LRMDA: variants seen among roughly 807,000 people sequenced by gnomAD.
The protein encoded by LRMDA is leucine rich melanocyte differentiation associated, also known as leucine-rich melanocyte differentiation-associated protein.
LRMDA carries 18 observed loss-of-function variants against 29.8 expected under a neutral mutation model. That is an observed-to-expected ratio of 0.60 (90% CI 0.42 to 0.90). LRMDA has a LOEUF of 0.90. Ranked by LOEUF, LRMDA falls within the 40% of genes least tolerant of loss-of-function variation. The probability of loss-of-function intolerance (pLI) is 0.00; values close to 1 mark genes in which losing one functional copy is unlikely to be tolerated. For missense variants in LRMDA, 273 were observed against 273.9 expected, an observed-to-expected ratio of 1.00 and a Z score of 0.02; for synonymous variants, 125 against 109.4, an observed-to-expected ratio of 1.14 and a Z score of -0.89.
At chr10:76,042,899 A>G (rs1848364241) in intron 3 of LRMDA, among the ~76,000 whole-genome samples, 1 of 152,032 alleles carries the variant, frequency 6.6e-6, no homozygotes, top group South Asian at 2.1e-4. Flanking sequence ...TTTTGGAGAA[A>G]CTCTTACACA....
chr10:76,135,949 C>A (rs935243683), intron 5 of LRMDA, among the ~76,000 whole-genome samples: 1 of 152,060 alleles, frequency 6.6e-6, no homozygotes, highest in Non-Finnish European at 1.5e-5. Flanking sequence ...ATTGTATTAC[C>A]CAAGAACTTT....
rs373415251 is a variant in LRMDA at position 76,267,512 on chromosome 10, A to G, written c.517-56889A>G. On this transcript the variant is annotated intron_variant, in intron 5 of 6. Coordinates refer to ENST00000611255, the MANE Select transcript of LRMDA (RefSeq NM_001305581.2). ...CCACTTTCCAGCCCTGGTAACCTCT[A>G]TTCTATTTCTGCCTCTATGAATTTG... Among the ~76,000 whole-genome samples, 5 of 152,114 alleles carry G rather than the reference A, an allele frequency of 3.3e-5. No homozygotes were observed. In the East Asian group the frequency reaches 9.6e-4, roughly 29 times the overall value.
intron 2 of LRMDA, among the ~76,000 whole-genome samples, chr10:75,643,672 T>TG (rs1177401474): frequency 6.6e-6 from 1 of 152,208 alleles, no homozygotes; most frequent in Admixed American, 6.5e-5. Context: ...AAAAATGAGT[T>TG]GGGGCTGGAG....
chr10:75,957,421 C>T (rs531740334), intron 2 of LRMDA, among the ~76,000 whole-genome samples: 2 of 152,242 alleles, frequency 1.3e-5, no homozygotes, highest in East Asian at 1.9e-4. Flanking sequence ...CAGTGAGTAC[C>T]GAGGCATTGC....
intron 2 of LRMDA, among the ~76,000 whole-genome samples, chr10:75,656,357 G>A (rs1003400907): frequency 2.6e-4 from 40 of 152,124 alleles, no homozygotes; most frequent in Non-Finnish European, 3.8e-4. Context: ...CTTTATCTGT[G>A]CAATCTGTAC....
intron 2 of LRMDA, among the ~76,000 whole-genome samples, chr10:75,860,866 C>G (rs184575578): frequency 1.4e-4 from 22 of 152,276 alleles, no homozygotes; most frequent in African/African-American, 4.3e-4. Context: ...ACCTAGCATC[C>G]TGGCTTGCAC....
chr10:76,435,287 A>G (rs1564540923), intron 6 of LRMDA, among the ~76,000 whole-genome samples: 1 of 152,110 alleles, frequency 6.6e-6, no homozygotes, highest in Non-Finnish European at 1.5e-5. Context: ...CAGAACTATA[A>G]CTTGGCCTTG....
intron 5 of LRMDA, among the ~76,000 whole-genome samples, chr10:76,188,674 T>A (rs926988722): frequency 2.6e-5 from 4 of 151,548 alleles, no homozygotes; most frequent in Non-Finnish European, 4.4e-5. Context: ...TGTAGATTTG[T>A]GTTTTCATTT....
chr10:76,428,168 A>G (rs1229172067), intron 6 of LRMDA, among the ~76,000 whole-genome samples: 2 of 152,150 alleles, frequency 1.3e-5, no homozygotes, highest in African/African-American at 4.8e-5. Context: ...ACAAGACTAA[A>G]TCAGTTTCTG....
intron 5 of LRMDA, among the ~76,000 whole-genome samples, chr10:76,290,149 G>C (rs1366401014): frequency 6.6e-6 from 1 of 152,086 alleles, no homozygotes; most frequent in South Asian, 2.1e-4. Context: ...CAGACTTTTA[G>C]GGTATCCTAA....
intron 6 of LRMDA, among the ~76,000 whole-genome samples, chr10:76,380,300 T>G (rs1225656890): frequency 6.6e-6 from 1 of 152,198 alleles, no homozygotes; most frequent in Non-Finnish European, 1.5e-5. Context: ...TTTTTCATTA[T>G]TTATAGGTAA....
intron 6 of LRMDA, among the ~76,000 whole-genome samples, chr10:76,440,227 A>G (rs1344712903): frequency 6.6e-6 from 1 of 152,248 alleles, no homozygotes; most frequent in Non-Finnish European, 1.5e-5. Context: ...AACTTGAGCA[A>G]AGCTCATTGG....
intron 5 of LRMDA, among the ~76,000 whole-genome samples, chr10:76,195,323 G>A (rs1851313895): frequency 6.6e-6 from 1 of 152,214 alleles, no homozygotes; most frequent in Admixed American, 6.5e-5. Context: ...ACCATTGAAA[G>A]TCACAGAGCT....
chr10:75,515,197 T>A (rs1439761640), intron 2 of LRMDA, among the ~76,000 whole-genome samples: 1 of 152,048 alleles, frequency 6.6e-6, no homozygotes, highest in African/African-American at 2.4e-5. Context: ...AGAAGTAGAT[T>A]AGTAGTTGCC....
At chr10:76,399,400 C>G (rs1841824215) in intron 6 of LRMDA, among the ~76,000 whole-genome samples, 1 of 152,142 alleles carries the variant, frequency 6.6e-6, no homozygotes, top group Non-Finnish European at 1.5e-5. Context: ...TAACTTTAAC[C>G]TAAAAGTCAG....
At chr10:75,627,836 C>T (rs1841271182) in intron 2 of LRMDA, among the ~76,000 whole-genome samples, 1 of 152,226 alleles carries the variant, frequency 6.6e-6, no homozygotes, top group Non-Finnish European at 1.5e-5. Flanking sequence ...GATATGTAGA[C>T]TCTTCATGTA....
intron 5 of LRMDA, among the ~76,000 whole-genome samples, chr10:76,272,856 A>C (rs1235963285): frequency 6.6e-6 from 1 of 152,178 alleles, no homozygotes; most frequent in African/African-American, 2.4e-5. Context: ...GGGAACTGCC[A>C]AAAACTTTTA....
At chr10:76,451,005 T>C (rs1842400104) in intron 6 of LRMDA, among the ~76,000 whole-genome samples, 1 of 152,180 alleles carries the variant, frequency 6.6e-6, no homozygotes, top group African/African-American at 2.4e-5. Context: ...GTAGAATCCA[T>C]AGTGGCAGAT....
In LRMDA at chr10:76,457,647, A is replaced by G. The variant is rs376917365; in HGVS notation, c.602-99562A>G. ...TGTGTTAGATAAGCTTTCTTCAGGC[A>G]TAAGTTATAGTGCTATGGGCCATAA... On this transcript the variant is annotated intron_variant, in intron 6 of 6. Transcript: ENST00000611255. 3.2e-3 allele frequency among the ~76,000 whole-genome samples: 484 copies of G among 152,316 alleles called. 28 individuals are homozygous for G. The South Asian group carries it at 0.095, about 30-fold the overall frequency.
Sources: gnomAD v4.1 joint callset for allele counts (sites outside exome capture counted in the v4.1 genomes callset) on GRCh38, gnomAD v4.1.1 for gene constraint, MANE v1.5 for transcripts, NCBI Gene and HGNC (gene_info 2026-07-23, HGNC 2026-07-21) for gene names.